DOCK9: variants seen among roughly 807,000 people sequenced by gnomAD.
DOCK9 encodes dedicator of cytokinesis 9.
In DOCK9, 89 loss-of-function variants were observed where a neutral mutation model predicts 263.3. That is an observed-to-expected ratio of 0.34 (90% CI 0.28 to 0.40). DOCK9 has a LOEUF of 0.40. DOCK9 is among the 10% of genes least tolerant of loss of function. The pLI, the probability that DOCK9 is intolerant of heterozygous loss-of-function variation, is 1.00. For synonymous variants in DOCK9, 976 were observed against 973.1 expected, an observed-to-expected ratio of 1.00 and a Z score of -0.06; for missense variants, 2,140 against 2,603.4, an observed-to-expected ratio of 0.82 and a Z score of 3.87.
At chr13:99,081,121 G>C (rs1365295495) in intron 1 of DOCK9, among the ~76,000 whole-genome samples, 1 of 152,214 alleles carries the variant, frequency 6.6e-6, no homozygotes, top group Non-Finnish European at 1.5e-5. Context: ...TTCTCCACTG[G>C]AGGGTGGAGA....
intron 1 of DOCK9, among the ~76,000 whole-genome samples, chr13:99,074,222 A>G (rs549819777): frequency 1.6e-4 from 25 of 152,246 alleles, no homozygotes; most frequent in Non-Finnish European, 3.4e-4. Context: ...ATGGCAGGCA[A>G]CTGCAGCTGC....
At chr13:98,978,094 C>T, upstream of DOCK9, 2 of 1,421,468 alleles carry the variant, frequency 1.4e-6, no homozygotes, top group South Asian at 1.6e-5. Flanking sequence ...CAGCAAAGGC[C>T]AGCCTCCAGG....
intron 9 of DOCK9, among the ~76,000 whole-genome samples, chr13:98,913,515 T>G (rs2050400052): frequency 6.6e-6 from 1 of 152,198 alleles, no homozygotes; most frequent in Admixed American, 6.5e-5. Context: ...AAGTGCAGAA[T>G]ACATATGGTA....
At chr13:99,086,320 G>A (rs978058653) in exon 1 of DOCK9, 2 of 1,473,828 alleles carry the variant, frequency 1.4e-6, no homozygotes, top group Non-Finnish European at 8.9e-7. Context: ...CCGAGTCTCC[G>A]CCGAGGCGGG....
At chr13:98,933,616 C>T (rs536971621) in intron 2 of DOCK9, among the ~76,000 whole-genome samples, 1 of 152,370 alleles carries the variant, frequency 6.6e-6, no homozygotes, top group South Asian at 2.1e-4. Flanking sequence ...TCCAATTAAA[C>T]TAAACTAGGT....
At chr13:99,025,627 A>G (rs977526495) in intron 1 of DOCK9, among the ~76,000 whole-genome samples, 2 of 152,382 alleles carry the variant, frequency 1.3e-5, no homozygotes, top group African/African-American at 2.4e-5. Context: ...CGTAGCCGCT[A>G]TGGAAAATAG....
intron 1 of DOCK9, among the ~76,000 whole-genome samples, chr13:98,986,186 T>C (rs1011482884): frequency 1.8e-4 from 27 of 152,278 alleles, no homozygotes; most frequent in African/African-American, 5.5e-4. Context: ...TTCAAGTTCA[T>C]TGGTTTTGTA....
chr13:98,971,119 G>A (rs1478218756), intron 1 of DOCK9, among the ~76,000 whole-genome samples: 2 of 152,166 alleles, frequency 1.3e-5, no homozygotes, highest in African/African-American at 4.8e-5. Context: ...GATTATGTAC[G>A]ACAGGCTCCT....
At chr13:99,076,579 C>T (rs1405934472) in intron 1 of DOCK9, among the ~76,000 whole-genome samples, 2 of 152,100 alleles carry the variant, frequency 1.3e-5, no homozygotes, top group African/African-American at 2.4e-5. Flanking sequence ...CAATGAGAAA[C>T]TCATGATATG....
At chr13:99,015,467 G>A in intron 1 of DOCK9, 1 of 1,596,380 alleles carries the variant, frequency 6.3e-7, no homozygotes, top group Non-Finnish European at 8.5e-7. Flanking sequence ...GAGATCAATA[G>A]TTCTGAATCT....
chr13:98,879,378 GATAAT>G (rs1447367152), intron 27 of DOCK9, among the ~76,000 whole-genome samples: 1 of 152,260 alleles, frequency 6.6e-6, no homozygotes, highest in East Asian at 1.9e-4. Flanking sequence ...CAACGAGATG[GATAAT>G]CTCAGAGTCT....
At chr13:99,009,875 T>C (rs1884160843) in intron 1 of DOCK9, among the ~76,000 whole-genome samples, 1 of 152,186 alleles carries the variant, frequency 6.6e-6, no homozygotes, top group African/African-American at 2.4e-5. Context: ...CGGGACTGTT[T>C]GGGGAGATTA....
In DOCK9 at chr13:98,825,794, A is replaced by T; in HGVS notation, c.5023+1036T>A. The stretch of plus-strand genomic sequence containing the variant: ...TGAAGTCTGTCCATGCAAAGTTAAA[A>T]GGGCAAATCCCCCACCACGGGAGGG... On this transcript the variant is annotated intron_variant, in intron 44 of 52. Coordinates refer to ENST00000682017, the MANE Select transcript of DOCK9 (RefSeq NM_001366683.2). The surrounding 1 kb of genome is among the most constrained non-coding windows in gnomAD (Gnocchi z 4.1). 2.0e-6 allele frequency: 2 copies of T among 983,210 alleles called. No homozygotes were observed. Among genetic ancestry groups the T allele is most frequent in the East Asian group, 3.2e-5 (1 of 31,360 alleles). 60.9% of individuals were successfully genotyped at this position (983,210 alleles called of 1,614,324 possible).
intron 45 of DOCK9, among the ~76,000 whole-genome samples, chr13:98,811,610 C>A (rs1203779780): frequency 1.3e-5 from 2 of 152,142 alleles, no homozygotes; most frequent in African/African-American, 4.8e-5. Flanking sequence ...TGGGGTTTTG[C>A]CATGCTGGCA....
chr13:99,047,335 C>G (rs536201675), intron 1 of DOCK9, among the ~76,000 whole-genome samples: 3 of 152,186 alleles, frequency 2.0e-5, no homozygotes, highest in Non-Finnish European at 2.9e-5. Context: ...CAGCTGCCAT[C>G]GCAGCACATA....
Position 98,879,378 on chromosome 13 carries a change from G to T in DOCK9, c.2943+520C>A, listed in dbSNP as rs76683239. ...ACTGCGCATCTGCCCCAACGAGATG[G>T]ATAATCTCAGAGTCTGTTGATTGCT... On this transcript the variant is annotated intron_variant, in intron 27 of 52. Coordinates refer to ENST00000682017, the MANE Select transcript of DOCK9 (RefSeq NM_001366683.2). Among the ~76,000 whole-genome samples, 150 of 152,256 alleles carry T rather than the reference G, an allele frequency of 9.9e-4. 1 individual carries two copies. The East Asian group carries it at 0.025, about 25-fold the overall frequency.
At chr13:99,029,164 A>G (rs1326283687) in intron 1 of DOCK9, among the ~76,000 whole-genome samples, 3 of 152,180 alleles carry the variant, frequency 2.0e-5, no homozygotes, top group African/African-American at 7.2e-5. Context: ...TCTGGCCTGC[A>G]GTTTTTCAGC....
At chr13:99,006,449 C>A (rs902087147) in intron 1 of DOCK9, among the ~76,000 whole-genome samples, 9 of 152,106 alleles carry the variant, frequency 5.9e-5, no homozygotes, top group Admixed American at 1.3e-4. Flanking sequence ...AAATACTGAA[C>A]AACAGAGAAG....
At chr13:99,012,668 C>A (rs745309700) in intron 1 of DOCK9, among the ~76,000 whole-genome samples, 2 of 152,174 alleles carry the variant, frequency 1.3e-5, no homozygotes, top group Non-Finnish European at 2.9e-5. Flanking sequence ...ATGGGCAGGG[C>A]TCCCTTAAGA....
Sources: gnomAD v4.1 joint callset for allele counts (sites outside exome capture counted in the v4.1 genomes callset) on GRCh38, gnomAD v4.1.1 for gene constraint, Gnocchi (gnomAD v3.1) non-coding constraint, MANE v1.5 for transcripts, NCBI Gene and HGNC (gene_info 2026-07-23, HGNC 2026-07-21) for gene names.